HBS1L: variants seen among roughly 807,000 people sequenced by gnomAD.
HBS1L encodes HBS1 like translational GTPase.
Under a neutral mutation model 88.9 loss-of-function variants are expected in HBS1L, and 55 were observed. The observed-to-expected ratio is 0.62, with a 90% confidence interval of 0.50 to 0.77. The LOEUF (loss-of-function observed/expected upper bound fraction) is 0.77. HBS1L is among the 30% of genes least tolerant of loss of function. The probability of loss-of-function intolerance (pLI) is 0.00; values close to 1 mark genes in which losing one functional copy is unlikely to be tolerated. For missense variants in HBS1L, 741 were observed against 829.3 expected, an observed-to-expected ratio of 0.89 and a Z score of 1.31; for synonymous variants, 267 against 288.5, an observed-to-expected ratio of 0.93 and a Z score of 0.76.
intron 4 of HBS1L, among the ~76,000 whole-genome samples, chr6:135,027,568 A>G (rs571383931): frequency 3.2e-4 from 48 of 152,208 alleles, no homozygotes; most frequent in Non-Finnish European, 5.7e-4. Context: ...AAATAAGAAG[A>G]AAGTGGGAAT....
chr6:134,972,166 T>C (rs1774509311), intron 15 of HBS1L, among the ~76,000 whole-genome samples: 1 of 152,234 alleles, frequency 6.6e-6, no homozygotes, highest in Non-Finnish European at 1.5e-5. Context: ...TGGGATTCTA[T>C]TCTTCGTGTA....
At chr6:135,051,238 A>G (rs932310401) in intron 1 of HBS1L, among the ~76,000 whole-genome samples, 2 of 152,140 alleles carry the variant, frequency 1.3e-5, no homozygotes, top group Non-Finnish European at 2.9e-5. Context: ...AGAAAAAAAA[A>G]GAAAAAAAGA....
At position 134,974,895 on chromosome 6, in the gene HBS1L, T is replaced by C. The variant is rs1774598876; in HGVS notation, c.1797+3784A>G. ...TCATCACTTCTATTAAACACAGTAC[T>C]GGAAGTCCTAGCCAGAGCAATCAGG... On this transcript the variant is annotated intron_variant, in intron 15 of 17. Transcript: ENST00000367837. Among the ~76,000 whole-genome samples the C allele has an allele frequency of 2.6e-5, 4 of 152,294 alleles. No homozygotes were observed. In the South Asian group the frequency reaches 8.3e-4, roughly 32 times the overall value.
In HBS1L at chr6:134,963,896, A is replaced by C. The variant is rs544576691; in HGVS notation, c.*1383T>G. Reference sequence around the variant, plus strand: ...TTTTCTTTCTGCTTCAGTCACTTGAAGTTAGATTTCTGTCACATATATCTG... The same window carrying C: ...TTTTCTTTCTGCTTCAGTCACTTGACGTTAGATTTCTGTCACATATATCTG... On this transcript the variant is annotated 3_prime_UTR_variant, in exon 18 of 18. Transcript: ENST00000367837. 4 of 143,598 alleles carry C rather than the reference A, an allele frequency of 2.8e-5. No homozygotes were observed. Among genetic ancestry groups the C allele is most frequent in the African/African-American group, 7.4e-5 (3 of 40,276 alleles). 8.9% of individuals were successfully genotyped at this position (143,598 alleles called of 1,614,324 possible).
At chr6:135,021,252 A>C (rs1425178737) in intron 4 of HBS1L, among the ~76,000 whole-genome samples, 1 of 152,100 alleles carries the variant, frequency 6.6e-6, no homozygotes, top group East Asian at 1.9e-4. Context: ...TTACTGCTTA[A>C]ATGCATCAAA....
At chr6:135,040,779 A>C (rs1474865986) in intron 3 of HBS1L, among the ~76,000 whole-genome samples, 2 of 152,232 alleles carry the variant, frequency 1.3e-5, no homozygotes, top group Admixed American at 6.5e-5. Context: ...AAAATCCATA[A>C]GAGCAGAGAG....
chr6:135,038,066 T>G, intron 4 of HBS1L: 1 of 1,430,562 alleles, frequency 7.0e-7, no homozygotes, highest in Non-Finnish European at 9.2e-7. Flanking sequence ...ATGAATAGGT[T>G]GATATACGCA....
In HBS1L at chr6:134,982,747, C is replaced by T. The variant is rs573055326; in HGVS notation, c.1493-185G>A. ...TACCACACTTTACTTTTTTTTTTTGCAAATAAAAATACTCATATTACCAAA... is the reference window on the plus strand; with the variant it reads ...TACCACACTTTACTTTTTTTTTTTGTAAATAAAAATACTCATATTACCAAA... On this transcript the variant is annotated intron_variant, in intron 12 of 17. Transcript: ENST00000367837. The T allele has an allele frequency of 8.3e-4, 302 of 364,870 alleles. 4 individuals are homozygous for T. Among genetic ancestry groups the T allele is most frequent in the South Asian group, 5.7e-3 (60 of 10,436 alleles). The allele number at this position is 364,870 out of a possible 1,614,324, so 22.6% of individuals were successfully genotyped here.
intron 16 of HBS1L, among the ~76,000 whole-genome samples, chr6:134,966,747 T>G (rs1774328022): frequency 6.6e-6 from 1 of 151,532 alleles, no homozygotes; most frequent in Non-Finnish European, 1.5e-5. Flanking sequence ...CACTATAGCC[T>G]AAAATGCTTA....
chr6:135,029,422 TGA>T (rs1459210744), intron 4 of HBS1L, among the ~76,000 whole-genome samples: 1 of 150,800 alleles, frequency 6.6e-6, no homozygotes, highest in East Asian at 1.9e-4. Flanking sequence ...AATCATGAAA[TGA>T]GAGATAAACC....
intron 9 of HBS1L, 140 bp from the exon 10 acceptor site, chr6:134,986,950 C>T (rs1774995175): frequency 8.5e-6 from 3 of 352,802 alleles, no homozygotes; most frequent in Non-Finnish European, 1.5e-5. Flanking sequence ...GAATATCAGA[C>T]CTTGCTAATA....
intron 4 of HBS1L, among the ~76,000 whole-genome samples, chr6:135,003,918 G>A (rs1775536671): frequency 6.6e-6 from 1 of 152,056 alleles, no homozygotes. Flanking sequence ...GGATGGAGGA[G>A]AATAAATTAT....
In HBS1L at chr6:134,961,576, G is replaced by A. The variant is rs775848002; in HGVS notation, c.*3703C>T. ...CCAACCTCTTCTTGTGGCTAACATG[G>A]GTGACTGTTGCTTCTTTCCTTTCCT... On this transcript the variant is annotated 3_prime_UTR_variant, in exon 18 of 18. Coordinates refer to ENST00000367837, the MANE Select transcript of HBS1L (RefSeq NM_006620.4). 2 of 152,018 alleles carry A rather than the reference G, an allele frequency of 1.3e-5. No individual in the cohort carries two copies. The highest frequency in any genetic ancestry group is 2.9e-5 in the Non-Finnish European group (2 of 67,982). 9.4% of individuals were successfully genotyped at this position (152,018 alleles called of 1,614,324 possible). A position where few individuals can be genotyped will look rare whatever the true frequency, so the allele number is the denominator to read the frequency against.
intron 15 of HBS1L, among the ~76,000 whole-genome samples, chr6:134,978,265 A>G (rs774053141): frequency 6.6e-6 from 1 of 152,044 alleles, no homozygotes; most frequent in East Asian, 1.9e-4. Context: ...TATGCAATCT[A>G]TAACTTTTAT....
chr6:134,965,223 G>C lies in HBS1L; in HGVS notation c.*56C>G, dbSNP rs1774276726. The C allele has an allele frequency of 2.1e-6, 3 of 1,406,294 alleles. No individual in the cohort carries two copies. The highest frequency in any genetic ancestry group is 3.0e-6 in the Non-Finnish European group (3 of 994,278). 87.1% of individuals were successfully genotyped at this position (1,406,294 alleles called of 1,614,324 possible). A position where few individuals can be genotyped will look rare whatever the true frequency, so the allele number is the denominator to read the frequency against. On this transcript the variant is annotated 3_prime_UTR_variant, in exon 18 of 18. Transcript: ENST00000367837. ...CCTTTGACTTAATAACTGCATTCTTGAAACAGAGGTTAGCTATTTCACTGT... is the reference window on the plus strand; with the variant it reads ...CCTTTGACTTAATAACTGCATTCTTCAAACAGAGGTTAGCTATTTCACTGT...
chr6:135,040,942 A>G (rs1302391080), intron 3 of HBS1L, among the ~76,000 whole-genome samples: 1 of 152,110 alleles, frequency 6.6e-6, no homozygotes, highest in Non-Finnish European at 1.5e-5. Flanking sequence ...CCTCATAATA[A>G]GTCTATGAGC....
intron 3 of HBS1L, among the ~76,000 whole-genome samples, chr6:135,041,576 A>G (rs1258263262): frequency 6.6e-6 from 1 of 152,162 alleles, no homozygotes; most frequent in African/African-American, 2.4e-5. Context: ...ACACTTATAC[A>G]GTGTCACTTT....
At chr6:135,008,515 C>A (rs183878507) in intron 4 of HBS1L, among the ~76,000 whole-genome samples, 110 of 152,286 alleles carry the variant, frequency 7.2e-4, no homozygotes, top group Non-Finnish European at 1.3e-3. Flanking sequence ...CAGTGGTTAC[C>A]CCTTGAGAAG....
chr6:135,019,509 T>C (rs1327098762), intron 4 of HBS1L, among the ~76,000 whole-genome samples: 2 of 151,940 alleles, frequency 1.3e-5, no homozygotes, highest in South Asian at 2.1e-4. Context: ...ATATTCTGTA[T>C]ATTTAGGTGC....
Sources: allele counts gnomAD v4.1 joint callset (sites outside exome capture counted in the v4.1 genomes callset), GRCh38; gene constraint gnomAD v4.1.1; transcripts MANE v1.5; gene names NCBI Gene and HGNC (gene_info 2026-07-23, HGNC 2026-07-21).